Variants in UST observed in about 807,000 individuals in gnomAD.
The protein encoded by UST is uronyl 2-sulfotransferase.
Under a neutral mutation model 45.6 loss-of-function variants are expected in UST, and 21 were observed. That is an observed-to-expected ratio of 0.46 (90% confidence interval 0.33 to 0.66). The LOEUF is 0.66. UST is among the 30% of genes least tolerant of loss of function. UST has a pLI of 0.02. For missense variants in UST, 463 were observed against 512.4 expected, an observed-to-expected ratio of 0.90 and a Z score of 0.93; for synonymous variants, 215 against 200.6, an observed-to-expected ratio of 1.07 and a Z score of -0.61.
At chr6:148,773,249 T>A (rs1484711402) in intron 1 of UST, among the ~76,000 whole-genome samples, 1 of 152,130 alleles carries the variant, frequency 6.6e-6, no homozygotes, top group African/African-American at 2.4e-5. Flanking sequence ...TCACCTGAGG[T>A]CAGGAGTTCG....
chr6:148,931,142 G>A (rs10499256), intron 2 of UST, among the ~76,000 whole-genome samples: 8 of 152,166 alleles, frequency 5.3e-5, no homozygotes, highest in African/African-American at 1.9e-4. Flanking sequence ...ATTCTAAATC[G>A]AGTGGTTGGC....
intron 5 of UST, among the ~76,000 whole-genome samples, chr6:148,997,330 G>A (rs1344493491): frequency 6.6e-6 from 1 of 152,106 alleles, no homozygotes; most frequent in Non-Finnish European, 1.5e-5. Flanking sequence ...ACCAATGAAA[G>A]GGTCAGAAAT....
At chr6:148,914,627 C>A (rs939935265) in intron 2 of UST, among the ~76,000 whole-genome samples, 1 of 152,138 alleles carries the variant, frequency 6.6e-6, no homozygotes. Context: ...AGAGTTCACG[C>A]TCCTATGAGA....
At chr6:148,788,864 G>T (rs1293017476) in intron 1 of UST, among the ~76,000 whole-genome samples, 2 of 152,218 alleles carry the variant, frequency 1.3e-5, no homozygotes, top group African/African-American at 4.8e-5. Flanking sequence ...TGAAGTGAAT[G>T]GTTGTGAGTG....
intron 1 of UST, among the ~76,000 whole-genome samples, chr6:148,879,201 C>G (rs1378440256): frequency 1.3e-5 from 2 of 152,154 alleles, no homozygotes; most frequent in South Asian, 2.1e-4. Context: ...CCTTGCACCC[C>G]CTTGGAGCAG....
At chr6:148,908,887 G>A (rs1325621002) in intron 2 of UST, among the ~76,000 whole-genome samples, 3 of 152,164 alleles carry the variant, frequency 2.0e-5, no homozygotes, top group African/African-American at 7.2e-5. Context: ...TTGGAGGTCT[G>A]AGAACTTAAA....
Position 148,998,624 on chromosome 6 carries a change from T to C in UST, c.682-20515T>C, listed in dbSNP as rs954131733. On this transcript the variant is annotated intron_variant, in intron 5 of 7. Transcript: ENST00000367463. The stretch of plus-strand genomic sequence containing the variant: ...CCCTCCTAGAGAAAACTCACAATGG[T>C]GATCTCTCCATTTTCTGTGTGGCTA... Among the ~76,000 whole-genome samples, 3 of 152,174 alleles carry C rather than the reference T, an allele frequency of 2.0e-5. No individual in the cohort carries two copies. In the East Asian group the frequency reaches 5.8e-4, roughly 29 times the overall value.
intron 1 of UST, among the ~76,000 whole-genome samples, chr6:148,856,351 A>G (rs947038588): frequency 3.3e-5 from 5 of 152,186 alleles, no homozygotes; most frequent in Non-Finnish European, 5.9e-5. Context: ...TGTAAGGTAA[A>G]TAGGGGAAAC....
At chr6:148,953,715 TGAACCGA>T (rs1160332885) in intron 3 of UST, among the ~76,000 whole-genome samples, 150 bp from the exon 4 acceptor site, 1 of 138,284 alleles carries the variant, frequency 7.2e-6, no homozygotes, top group Non-Finnish European at 1.5e-5. Flanking sequence ...GAGCTTGCAG[TGAACCGA>T]GATCGAGCTA....
chr6:148,980,105 C>T (rs1045052847), intron 5 of UST, among the ~76,000 whole-genome samples: 13 of 152,132 alleles, frequency 8.5e-5, no homozygotes, highest in African/African-American at 2.7e-4. Flanking sequence ...CTTGGGTATC[C>T]GATAAGAGTT....
At chr6:148,811,891 G>T (rs1338341576) in intron 1 of UST, among the ~76,000 whole-genome samples, 1 of 152,192 alleles carries the variant, frequency 6.6e-6, no homozygotes, top group African/African-American at 2.4e-5. Flanking sequence ...CTTGGTGCAA[G>T]GAGTGTCAGA....
intron 1 of UST, among the ~76,000 whole-genome samples, chr6:148,822,937 G>C (rs923819537): frequency 2.1e-4 from 32 of 152,180 alleles, no homozygotes; most frequent in Non-Finnish European, 4.0e-4. Context: ...TAATAGAGCT[G>C]ATGTAATGTA....
At chr6:149,053,643 C>A (rs1355482567) in intron 7 of UST, among the ~76,000 whole-genome samples, 1 of 152,204 alleles carries the variant, frequency 6.6e-6, no homozygotes, top group Non-Finnish European at 1.5e-5. Context: ...TCTGTCTGAT[C>A]AGGAGGTGAA....
intron 2 of UST, among the ~76,000 whole-genome samples, chr6:148,909,379 C>T (rs17665283): frequency 9.2e-5 from 14 of 152,268 alleles, no homozygotes; most frequent in East Asian, 3.9e-4. Context: ...CGCTTCCTAC[C>T]GCTCAGATAC....
intron 5 of UST, among the ~76,000 whole-genome samples, chr6:149,009,295 A>C (rs533496219): frequency 1.0e-3 from 159 of 152,260 alleles, no homozygotes; most frequent in Non-Finnish European, 1.6e-3. Flanking sequence ...AAGATGAAAG[A>C]GTAACGATTA....
intron 1 of UST, 103 bp downstream of exon 1, chr6:148,747,780 C>A: frequency 1.4e-6 from 2 of 1,392,194 alleles, no homozygotes; most frequent in Non-Finnish European, 1.9e-6. Flanking sequence ...CGCGCGCCGC[C>A]GCCGCCCCGG....
intron 7 of UST, among the ~76,000 whole-genome samples, chr6:149,058,404 T>C (rs1328120914): frequency 3.3e-5 from 5 of 151,746 alleles, no homozygotes; most frequent in African/African-American, 1.2e-4. Flanking sequence ...CGCGCGCGTG[T>C]GTCTGTGTGT....
At chr6:148,901,300 C>T (rs577042587) in intron 2 of UST, among the ~76,000 whole-genome samples, 2 of 152,258 alleles carry the variant, frequency 1.3e-5, no homozygotes, top group South Asian at 4.2e-4. Flanking sequence ...GATTGGAAAT[C>T]CATATTAATC....
intron 1 of UST, among the ~76,000 whole-genome samples, chr6:148,813,380 G>A (rs2114733050): frequency 7.0e-6 from 1 of 142,730 alleles, no homozygotes; most frequent in Admixed American, 7.3e-5. Context: ...TCCTATAACA[G>A]AATAATTTTT....
Sources: gnomAD v4.1 joint callset for allele counts (sites outside exome capture counted in the v4.1 genomes callset) on GRCh38, gnomAD v4.1.1 for gene constraint, MANE v1.5 for transcripts, NCBI Gene and HGNC (gene_info 2026-07-23, HGNC 2026-07-21) for gene names.